KRTCAP3: variants seen among roughly 807,000 people sequenced by gnomAD.
The protein encoded by KRTCAP3 is keratinocyte associated protein 3, also known as keratinocyte-associated protein 3.
In KRTCAP3, 18 loss-of-function variants were observed where a neutral mutation model predicts 20.5. That is an observed-to-expected ratio of 0.88 (90% CI 0.61 to 1.31). KRTCAP3 has a LOEUF of 1.31. Among genes scored for constraint, KRTCAP3 ranks in the 50% most tolerant of loss-of-function variants. KRTCAP3 has a pLI of 0.00. For missense variants in KRTCAP3, 347 were observed against 310.4 expected, an observed-to-expected ratio of 1.12 and a Z score of -0.89; for synonymous variants, 167 against 133.7, an observed-to-expected ratio of 1.25 and a Z score of -1.72.
chr2:27,444,743 G>A (rs1235830237), downstream of KRTCAP3, among the ~76,000 whole-genome samples: 1 of 152,128 alleles, frequency 6.6e-6, no homozygotes, highest in African/African-American at 2.4e-5. Flanking sequence ...TGCCTCTCGG[G>A]TTTAAGCGAT....
At chr2:27,443,046 G>A in intron 3 of KRTCAP3, 28 bp from the exon 4 acceptor site, 1 of 1,600,192 alleles carries the variant, frequency 6.2e-7, no homozygotes, top group Non-Finnish European at 8.6e-7. Context: ...GGCCCAGGCT[G>A]CTCACCCTGA....
downstream of KRTCAP3, chr2:27,445,781 G>A (rs773180868): frequency 1.9e-6 from 3 of 1,614,170 alleles, no homozygotes; most frequent in Admixed American, 5.0e-5. The surrounding 1 kb of genome is among the most constrained non-coding windows in gnomAD (Gnocchi z 4.4). Flanking sequence ...GCACCTCAAA[G>A]GGAATGTCTG....
chr2:27,444,469 C>G (rs1664849330), downstream of KRTCAP3: 1 of 1,613,698 alleles, frequency 6.2e-7, no homozygotes, highest in African/African-American at 1.3e-5. Flanking sequence ...GAGCCCTCCA[C>G]ACCACTGACT....
At chr2:27,445,918 TC>T (rs756750247), downstream of KRTCAP3, 11 of 1,614,056 alleles carry the variant, frequency 6.8e-6, no homozygotes, top group South Asian at 1.2e-4. This position sits in a 1 kb window ranked among gnomAD's most constrained non-coding sequence, Gnocchi z 4.4. Flanking sequence ...GGGCACAGCT[TC>T]CCTACTCACA....
At chr2:27,442,937 G>A (rs775295356) in intron 3 of KRTCAP3, 36 bp downstream of exon 3, 8 of 1,610,596 alleles carry the variant, frequency 5.0e-6, no homozygotes, top group Non-Finnish European at 6.8e-6. Context: ...TAACGAGTAG[G>A]CTTGAGTCAG....
downstream of KRTCAP3, chr2:27,446,143 C>T (rs1292388384): frequency 2.3e-6 from 3 of 1,290,930 alleles, no homozygotes; most frequent in African/African-American, 1.5e-5. Context: ...AGGAGGACTA[C>T]ATCCTCCGTA....
chr2:27,446,101 T>C, downstream of KRTCAP3: 3 of 1,440,322 alleles, frequency 2.1e-6, 1 homozygote, highest in South Asian at 3.5e-5. Context: ...GCTATTTCTC[T>C]GGGATCCAGG....
At chr2:27,445,700 C>G (rs375671477), downstream of KRTCAP3, 1 of 1,602,002 alleles carries the variant, frequency 6.2e-7, no homozygotes, top group East Asian at 2.2e-5. This position sits in a 1 kb window ranked among gnomAD's most constrained non-coding sequence, Gnocchi z 4.4. Flanking sequence ...CCTCAAGGCA[C>G]TCACACTGGT....
downstream of KRTCAP3, chr2:27,445,574 C>T (rs1361828183): frequency 3.0e-6 from 4 of 1,311,628 alleles, no homozygotes; most frequent in Non-Finnish European, 4.2e-6. This position sits in a 1 kb window ranked among gnomAD's most constrained non-coding sequence, Gnocchi z 4.4. Context: ...CACGAATCCT[C>T]CTTGGATTGG....
At chr2:27,443,363 A>C in intron 4 of KRTCAP3, 35 bp from the exon 5 acceptor site, 1 of 1,613,202 alleles carries the variant, frequency 6.2e-7, no homozygotes, top group Non-Finnish European at 8.5e-7. Flanking sequence ...CACTTGCCCT[A>C]CTCCCTCCTA....
intron 1 of KRTCAP3, 60 bp downstream of exon 1, chr2:27,442,500 A>G (rs1378606421): frequency 1.3e-6 from 2 of 1,542,658 alleles, no homozygotes; most frequent in Non-Finnish European, 1.8e-6. Context: ...GCCCCGTCCT[A>G]CTGCCCGCGG....
At position 27,442,753 on chromosome 2, in the gene KRTCAP3, C is replaced by G. The variant is rs144811599; in HGVS notation, c.203C>G (p.Ser68Trp). ...GTAGCCAATGTCATCTCTGTCGGCT[C>G]GGGGCTGCTGGTGAGCGCGGCAGGC... ...YTVANVISVGSGLLSVSVGLV... is the reference protein window; with the variant it reads ...YTVANVISVGWGLLSVSVGLV... Residue 68 changes from serine to tryptophan, a missense_variant, in exon 2 of 7, where the codon TCG (serine) becomes TGG (tryptophan). Coordinates refer to ENST00000288873, the MANE Select transcript of KRTCAP3 (RefSeq NM_173853.4). 16 of 1,609,074 alleles carry G rather than the reference C, an allele frequency of 9.9e-6. No individual in the cohort carries two copies. The East Asian group carries it at 2.0e-4, about 20-fold the overall frequency.
downstream of KRTCAP3, chr2:27,444,380 T>C (rs1054911867): frequency 5.1e-6 from 6 of 1,169,990 alleles, no homozygotes; most frequent in African/African-American, 7.6e-5. Context: ...GTCTCAATTA[T>C]TTATAAAACT....
chr2:27,444,490 A>G, downstream of KRTCAP3: 1 of 1,613,730 alleles, frequency 6.2e-7, no homozygotes, highest in South Asian at 1.1e-5. Flanking sequence ...GATGAATTTC[A>G]GCACGTCCTG....
At chr2:27,446,124 G>A (rs897338264), downstream of KRTCAP3, 20 of 1,348,330 alleles carry the variant, frequency 1.5e-5, no homozygotes, top group Non-Finnish European at 1.8e-5. Context: ...GAAAAATCCA[G>A]GAAGACATAG....
At chr2:27,443,358 G>T (rs1664738919) in intron 4 of KRTCAP3, 40 bp from the exon 5 acceptor site, 1 of 1,613,746 alleles carries the variant, frequency 6.2e-7, no homozygotes. Context: ...TGCTGCACTT[G>T]CCCTACTCCC....
downstream of KRTCAP3, chr2:27,445,883 C>T (rs768767140): frequency 8.3e-5 from 134 of 1,614,046 alleles, 2 homozygotes; most frequent in South Asian, 1.2e-3. This position sits in a 1 kb window ranked among gnomAD's most constrained non-coding sequence, Gnocchi z 4.4. Context: ...GCACAGCTCG[C>T]GACTGGCAAA....
At position 27,444,209 on chromosome 2, in the gene KRTCAP3, C is replaced by G. The variant is rs1192078648; in HGVS notation, c.*29C>G. ...AGCAGGTGCTGTTCCGAGACTCAGT[C>G]CTAAAGGGTTTTTTTTCCCACTAAG... On this transcript the variant is annotated 3_prime_UTR_variant, in exon 7 of 7. Coordinates refer to ENST00000288873, the MANE Select transcript of KRTCAP3 (RefSeq NM_173853.4). 3.0e-6 allele frequency: 2 copies of G among 663,006 alleles called. No individual in the cohort carries two copies. Among genetic ancestry groups the G allele is most frequent in the Non-Finnish European group, 5.3e-6 (2 of 376,216 alleles). 41.1% of individuals were successfully genotyped at this position (663,006 alleles called of 1,614,324 possible).
At chr2:27,445,823 T>C (rs766997235), downstream of KRTCAP3, 1 of 1,614,184 alleles carries the variant, frequency 6.2e-7, no homozygotes, top group Non-Finnish European at 8.5e-7. This position sits in a 1 kb window ranked among gnomAD's most constrained non-coding sequence, Gnocchi z 4.4. Flanking sequence ...CAAGGCCATC[T>C]AGAGTCCCTT....
Sources: allele counts gnomAD v4.1 joint callset (sites outside exome capture counted in the v4.1 genomes callset), GRCh38; gene constraint gnomAD v4.1.1; non-coding constraint Gnocchi (gnomAD v3.1); transcripts MANE v1.5; gene names NCBI Gene and HGNC (gene_info 2026-07-23, HGNC 2026-07-21).